MAP3K7: variants seen among roughly 807,000 people sequenced by gnomAD.
MAP3K7 encodes the protein mitogen-activated protein kinase kinase kinase 7, also known as TGF-beta activated kinase 1.
Under a neutral mutation model 84.8 loss-of-function variants are expected in MAP3K7, and 21 were observed. The ratio of observed to expected loss-of-function variants is 0.25; its 90% CI spans 0.18 to 0.36. The LOEUF (loss-of-function observed/expected upper bound fraction) is 0.36. Ranked by LOEUF, MAP3K7 falls within the 10% of genes least tolerant of loss-of-function variation. The probability of loss-of-function intolerance (pLI) is 1.00; values close to 1 mark genes in which losing one functional copy is unlikely to be tolerated. For missense variants in MAP3K7, 503 were observed against 747.7 expected, an observed-to-expected ratio of 0.67 and a Z score of 3.82; for synonymous variants, 241 against 247.7, an observed-to-expected ratio of 0.97 and a Z score of 0.25.
chr6:90,525,210 A>G (rs1775281310), intron 13 of MAP3K7, among the ~76,000 whole-genome samples: 1 of 152,156 alleles, frequency 6.6e-6, no homozygotes, highest in Admixed American at 6.5e-5. Context: ...ATAAAAAAAG[A>G]AAACCAGGCA....
chr6:90,563,943 C>T (rs1776610422), intron 3 of MAP3K7, among the ~76,000 whole-genome samples: 1 of 152,086 alleles, frequency 6.6e-6, no homozygotes, highest in African/African-American at 2.4e-5. Context: ...AATTTTCAAC[C>T]CAGAATTTCA....
chr6:90,519,855 T>C (rs544643750), intron 14 of MAP3K7, among the ~76,000 whole-genome samples: 1 of 152,064 alleles, frequency 6.6e-6, no homozygotes, highest in South Asian at 2.1e-4. Flanking sequence ...CCAGTAAGAA[T>C]CACTGCAGAA....
chr6:90,571,342 TA>T (rs1354881132), intron 2 of MAP3K7, among the ~76,000 whole-genome samples: 2 of 152,152 alleles, frequency 1.3e-5, no homozygotes, highest in Admixed American at 6.5e-5. Flanking sequence ...ACATTCCATT[TA>T]AAGTAAGTGT....
intron 11 of MAP3K7, among the ~76,000 whole-genome samples, chr6:90,546,273 T>C (rs1199424053): frequency 6.6e-6 from 1 of 151,716 alleles, no homozygotes; most frequent in African/African-American, 2.4e-5. Context: ...CCACACACAA[T>C]GAGAATATTC....
intron 1 of MAP3K7, among the ~76,000 whole-genome samples, chr6:90,576,355 C>T (rs537794324): frequency 1.1e-4 from 16 of 149,538 alleles, no homozygotes; most frequent in Non-Finnish European, 2.1e-4. Flanking sequence ...CCTGAGAGGC[C>T]GAGGTTGCAG....
At chr6:90,566,684 A>G (rs1259010470) in intron 3 of MAP3K7, among the ~76,000 whole-genome samples, 2 of 152,180 alleles carry the variant, frequency 1.3e-5, no homozygotes, top group African/African-American at 4.8e-5. Context: ...GCTACCAATG[A>G]CTTTCTTCAC....
intron 3 of MAP3K7, among the ~76,000 whole-genome samples, chr6:90,565,557 TG>T (rs201044814): frequency 0.037 from 5,601 of 152,200 alleles, 125 homozygotes; most frequent in African/African-American, 0.056. Context: ...GCTCTGAAAT[TG>T]AGGCAATAAT....
chr6:90,583,666 C>T (rs1217863433), intron 1 of MAP3K7, among the ~76,000 whole-genome samples: 9 of 152,146 alleles, frequency 5.9e-5, no homozygotes, highest in African/African-American at 2.2e-4. Flanking sequence ...ACATGAGTAA[C>T]CACAGGCCCA....
chr6:90,537,976 C>T (rs1775732993), intron 12 of MAP3K7, among the ~76,000 whole-genome samples: 1 of 151,746 alleles, frequency 6.6e-6, no homozygotes, highest in Admixed American at 6.6e-5. Context: ...ATCACCATTG[C>T]AATAACAACA....
Position 90,515,422 on chromosome 6 carries a change from G to A in MAP3K7, c.*1079C>T, listed in dbSNP as rs1194474190. ...TCTTGAAAGTGTTGAAAGGCGGCAGGCATTCTAGAACGGGATTGTAAGGAA... is the reference window on the plus strand; with the variant it reads ...TCTTGAAAGTGTTGAAAGGCGGCAGACATTCTAGAACGGGATTGTAAGGAA... On this transcript the variant is annotated 3_prime_UTR_variant, in exon 17 of 17. Transcript: ENST00000369329. The A allele has an allele frequency of 6.6e-6, 1 of 151,882 alleles. No individual in the cohort carries two copies. Among genetic ancestry groups the A allele is most frequent in the East Asian group, 1.9e-4 (1 of 5,184 alleles). 9.4% of individuals were successfully genotyped at this position (151,882 alleles called of 1,614,324 possible).
At chr6:90,557,069 T>C (rs1308360070) in intron 5 of MAP3K7, among the ~76,000 whole-genome samples, 1 of 152,226 alleles carries the variant, frequency 6.6e-6, no homozygotes, top group Non-Finnish European at 1.5e-5. Context: ...GTCTGTAATT[T>C]AATGTCTTTA....
intron 3 of MAP3K7, among the ~76,000 whole-genome samples, chr6:90,563,968 A>G (rs1451153550): frequency 6.6e-6 from 1 of 152,164 alleles, no homozygotes; most frequent in East Asian, 1.9e-4. Context: ...CAGCCAAACT[A>G]AGCTTCATAG....
intron 11 of MAP3K7, among the ~76,000 whole-genome samples, chr6:90,546,119 T>A (rs1775992644): frequency 6.6e-6 from 1 of 152,168 alleles, no homozygotes; most frequent in Admixed American, 6.5e-5. Context: ...AAAATAATGC[T>A]TATGTGTTAT....
At chr6:90,527,907 C>T (rs1265722977) in intron 13 of MAP3K7, among the ~76,000 whole-genome samples, 1 of 8,224 alleles carries the variant, frequency 1.2e-4, no homozygotes, top group Non-Finnish European at 2.1e-4. Context: ...GAGACGGAGT[C>T]TCGCTCTGTC....
chr6:90,571,635 T>C, intron 2 of MAP3K7, 62 bp downstream of exon 2: 2 of 933,362 alleles, frequency 2.1e-6, no homozygotes, highest in African/African-American at 1.7e-5. Context: ...TTTTTCATAA[T>C]ATTAAATTCA....
At chr6:90,562,988 T>C (rs1776577151) in intron 3 of MAP3K7, among the ~76,000 whole-genome samples, 1 of 152,064 alleles carries the variant, frequency 6.6e-6, no homozygotes, top group African/African-American at 2.4e-5. Flanking sequence ...TCCAGCAAAC[T>C]CCAACAAACC....
intron 9 of MAP3K7, among the ~76,000 whole-genome samples, chr6:90,548,885 G>C (rs924440155): frequency 4.0e-5 from 6 of 151,698 alleles, no homozygotes; most frequent in Admixed American, 1.3e-4. Context: ...GTCAAGATGA[G>C]AAATGAAAAT....
At chr6:90,517,108 G>C (rs1035992793) in intron 16 of MAP3K7, among the ~76,000 whole-genome samples, 1 of 151,780 alleles carries the variant, frequency 6.6e-6, no homozygotes, top group African/African-American at 2.4e-5. Context: ...AGCAGAGAGT[G>C]GTAAGCTAAT....
chr6:90,520,391 C>G (rs1374986294), intron 14 of MAP3K7, among the ~76,000 whole-genome samples: 2 of 151,250 alleles, frequency 1.3e-5, no homozygotes, highest in Non-Finnish European at 3.0e-5. Context: ...TTTCTTTTTG[C>G]TTTTGTTTTT....
Sources: allele counts gnomAD v4.1 joint callset (sites outside exome capture counted in the v4.1 genomes callset), GRCh38; gene constraint gnomAD v4.1.1; transcripts MANE v1.5; gene names NCBI Gene and HGNC (gene_info 2026-07-23, HGNC 2026-07-21).